The following MAGI2 variants were observed in gnomAD, a reference collection of about 807,000 sequenced individuals.
The protein encoded by MAGI2 is membrane associated guanylate kinase, WW and PDZ domain containing 2.
MAGI2 carries 35 observed loss-of-function variants against 133.3 expected under a neutral mutation model. The observed-to-expected ratio is 0.26, with a 90% confidence interval of 0.20 to 0.35. The LOEUF is 0.35. Ranked by LOEUF, MAGI2 falls within the 10% of genes least tolerant of loss-of-function variation. The pLI is 1.00. For synonymous variants in MAGI2, 729 were observed against 710.6 expected (o/e 1.03, Z -0.41); for missense variants, 1,636 against 1,863.4 (o/e 0.88, Z 2.25).
intron 2 of MAGI2, among the ~76,000 whole-genome samples, chr7:78,761,466 A>ATTT (rs763019901): frequency 1.0e-4 from 14 of 138,310 alleles, no homozygotes; most frequent in African/African-American, 3.2e-4. Flanking sequence ...GTAGATTCTG[A>ATTT]TTTTTTTTTT....
At chr7:78,151,575 T>TG (rs961155559) in intron 16 of MAGI2, among the ~76,000 whole-genome samples, 6 of 152,176 alleles carry the variant, frequency 3.9e-5, no homozygotes, top group African/African-American at 1.4e-4. Context: ...TCCCTACCCC[T>TG]GACTTGTTAG....
chr7:79,126,490 AAAGTAAGAG>A (rs1820415988), intron 1 of MAGI2, among the ~76,000 whole-genome samples: 1 of 152,138 alleles, frequency 6.6e-6, no homozygotes, highest in Non-Finnish European at 1.5e-5. Context: ...TAAAGCCAAC[AAAGTAAGAG>A]AAGTAGAGAA....
intron 2 of MAGI2, among the ~76,000 whole-genome samples, chr7:78,834,118 T>C (rs995186683): frequency 6.6e-6 from 1 of 152,164 alleles, no homozygotes; most frequent in Admixed American, 6.5e-5. Context: ...AAACAAAAAT[T>C]TGAATATTAA....
At chr7:78,841,412 C>T (rs1792131304) in intron 2 of MAGI2, among the ~76,000 whole-genome samples, 1 of 152,004 alleles carries the variant, frequency 6.6e-6, no homozygotes, top group African/African-American at 2.4e-5. Context: ...TTCTCTTTTC[C>T]TCACTCTTTG....
chr7:78,638,749 A>G (rs191866703), intron 2 of MAGI2, among the ~76,000 whole-genome samples: 3 of 152,198 alleles, frequency 2.0e-5, no homozygotes, highest in South Asian at 4.1e-4. Context: ...AGAGACTGGA[A>G]GAAGACAAAT....
At chr7:78,446,866 G>A (rs767273994) in intron 6 of MAGI2, among the ~76,000 whole-genome samples, 5 of 152,018 alleles carry the variant, frequency 3.3e-5, no homozygotes, top group Admixed American at 1.3e-4. Flanking sequence ...TATATCAGCC[G>A]AAGAGTTACT....
At chr7:79,248,547 C>T (rs1832983822) in intron 1 of MAGI2, among the ~76,000 whole-genome samples, 1 of 152,060 alleles carries the variant, frequency 6.6e-6, no homozygotes, top group Non-Finnish European at 1.5e-5. Flanking sequence ...AACATATCAC[C>T]CAATGGCTGC....
chr7:78,557,097 A>AAAAAAAAAAAAAAAAAAAGAAAGAAAG (rs1554473311), intron 3 of MAGI2, among the ~76,000 whole-genome samples: 1 of 138,960 alleles, frequency 7.2e-6, no homozygotes, highest in African/African-American at 3.0e-5. Flanking sequence ...AAAAAAAAAA[A>AAAAAAAAAAAAAAAAAAAGAAAGAAAG]AAAGAAAAAG....
chr7:79,039,116 G>GTTCCC lies in MAGI2; in HGVS notation c.302-31915_302-31911dup, dbSNP rs543957897. Among the ~76,000 whole-genome samples the GTTCCC allele has an allele frequency of 2.6e-4, 40 of 152,176 alleles. 1 individual carries two copies. The South Asian group carries it at 8.3e-3, about 32-fold the overall frequency. The stretch of plus-strand genomic sequence containing the variant: ...GGGAGGTAATTAGATCATGGGGCTG[G>GTTCCC]TTCCCCCTGCTCCCCCCATGCTGTT... On this transcript the variant is annotated intron_variant, in intron 1 of 21. Coordinates refer to ENST00000354212, the MANE Select transcript of MAGI2 (RefSeq NM_012301.4).
intron 9 of MAGI2, among the ~76,000 whole-genome samples, chr7:78,281,807 TA>T (rs1191688012): frequency 2.4e-5 from 3 of 126,616 alleles, no homozygotes; most frequent in Admixed American, 8.3e-5. Context: ...AGTGTCTTGC[TA>T]AACTCAAAAT....
At chr7:79,243,982 C>T (rs1478777527) in intron 1 of MAGI2, among the ~76,000 whole-genome samples, 3 of 152,040 alleles carry the variant, frequency 2.0e-5, no homozygotes, top group Non-Finnish European at 4.4e-5. Context: ...ATACCACATC[C>T]TCTGTAGCCC....
At chr7:78,288,254 ATG>A (rs1267562781) in intron 9 of MAGI2, among the ~76,000 whole-genome samples, 1 of 152,216 alleles carries the variant, frequency 6.6e-6, no homozygotes, top group Non-Finnish European at 1.5e-5. Flanking sequence ...TAACATGACA[ATG>A]TAATAATAAG....
intron 9 of MAGI2, among the ~76,000 whole-genome samples, chr7:78,338,013 C>CA (rs1404027438): frequency 6.6e-6 from 1 of 152,146 alleles, no homozygotes; most frequent in East Asian, 1.9e-4. Flanking sequence ...AGCCATAGAG[C>CA]AAACCTCTAT....
At chr7:79,021,778 T>C (rs966280692) in intron 1 of MAGI2, among the ~76,000 whole-genome samples, 2 of 152,106 alleles carry the variant, frequency 1.3e-5, no homozygotes, top group African/African-American at 2.4e-5. Flanking sequence ...AAGGGCATAA[T>C]TGTGTTTTGA....
intron 21 of MAGI2, among the ~76,000 whole-genome samples, chr7:78,071,636 C>T (rs1814719398): frequency 1.3e-5 from 2 of 152,184 alleles, no homozygotes; most frequent in African/African-American, 2.4e-5. Flanking sequence ...GGGTTGCCTA[C>T]ATGCTGCAGA....
chr7:78,931,428 G>A (rs544986458), intron 2 of MAGI2, among the ~76,000 whole-genome samples: 1 of 152,214 alleles, frequency 6.6e-6, no homozygotes, highest in South Asian at 2.1e-4. Flanking sequence ...GAGCCAGTGA[G>A]CAATTGGCCC....
chr7:78,330,956 C>T (rs183553319), intron 9 of MAGI2, among the ~76,000 whole-genome samples: 4 of 152,178 alleles, frequency 2.6e-5, no homozygotes, highest in South Asian at 4.1e-4. Flanking sequence ...GCATATGGTG[C>T]GTATACACGT....
At chr7:78,335,105 C>G (rs1258527168) in intron 9 of MAGI2, among the ~76,000 whole-genome samples, 1 of 152,212 alleles carries the variant, frequency 6.6e-6, no homozygotes, top group African/African-American at 2.4e-5. Context: ...ACCATCTGGT[C>G]TGCAAAACCT....
intron 1 of MAGI2, among the ~76,000 whole-genome samples, chr7:79,190,615 C>G (rs575954332): frequency 6.6e-6 from 1 of 151,722 alleles, no homozygotes; most frequent in Non-Finnish European, 1.5e-5. Context: ...AGTATTAATA[C>G]TTTCTCATAC....
Sources: gnomAD v4.1 joint callset for allele counts (sites outside exome capture counted in the v4.1 genomes callset) on GRCh38, gnomAD v4.1.1 for gene constraint, MANE v1.5 for transcripts, NCBI Gene and HGNC (gene_info 2026-07-23, HGNC 2026-07-21) for gene names.